The following GALNTL6 variants were observed in gnomAD, a reference collection of about 807,000 sequenced individuals.
The protein encoded by GALNTL6 is polypeptide N-acetylgalactosaminyltransferase like 6.
GALNTL6 carries 46 observed loss-of-function variants against 73.7 expected under a neutral mutation model. The ratio of observed to expected loss-of-function variants is 0.62; its 90% CI spans 0.49 to 0.80. GALNTL6 has a LOEUF of 0.80. GALNTL6 is among the 30% of genes least tolerant of loss of function. GALNTL6 has a pLI of 0.00. For synonymous variants in GALNTL6, 259 were observed against 263.7 expected, an observed-to-expected ratio of 0.98 and a Z score of 0.17; for missense variants, 604 against 755.0, an observed-to-expected ratio of 0.80 and a Z score of 2.34.
At chr4:172,766,729 C>A (rs1240027471) in intron 5 of GALNTL6, among the ~76,000 whole-genome samples, 1 of 152,134 alleles carries the variant, frequency 6.6e-6, no homozygotes, top group Admixed American at 6.6e-5. Flanking sequence ...TCTAGAGTAA[C>A]AATTTTTCTG....
intron 5 of GALNTL6, among the ~76,000 whole-genome samples, chr4:172,635,352 T>G (rs1739621541): frequency 6.6e-6 from 1 of 152,136 alleles, no homozygotes; most frequent in South Asian, 2.1e-4. Context: ...AGGTTAAATT[T>G]CTGGAACTTT....
At chr4:172,337,965 T>C (rs1286117378) in intron 4 of GALNTL6, among the ~76,000 whole-genome samples, 1 of 152,096 alleles carries the variant, frequency 6.6e-6, no homozygotes, top group Admixed American at 6.5e-5. Flanking sequence ...ACTTAATTCA[T>C]TTTCTAATTT....
intron 4 of GALNTL6, among the ~76,000 whole-genome samples, chr4:172,317,137 C>T (rs573338392): frequency 6.6e-6 from 1 of 152,318 alleles, no homozygotes; most frequent in Non-Finnish European, 1.5e-5. Flanking sequence ...GAAGTACTTA[C>T]AAAGTCAGCA....
At chr4:172,082,818 A>G (rs1731917800) in intron 2 of GALNTL6, among the ~76,000 whole-genome samples, 1 of 152,174 alleles carries the variant, frequency 6.6e-6, no homozygotes, top group Admixed American at 6.5e-5. Context: ...AAAAATGAGA[A>G]AGGAGACATC....
In GALNTL6 at chr4:171,858,545, G is replaced by C. The variant is rs139773865; in HGVS notation, c.138+43827G>C. ...TCAGGTGTGGAATCTGAAGCCTATA[G>C]ATTTTTTTTTAATTGCTCAAGTACT... On this transcript the variant is annotated intron_variant, in intron 2 of 12. Transcript: ENST00000506823. Among the ~76,000 whole-genome samples, 628 of 151,978 alleles carry C rather than the reference G, an allele frequency of 4.1e-3. 8 individuals carry two copies. Among genetic ancestry groups the C allele is most frequent in the African/African-American group, 0.015 (613 of 41,448 alleles).
At chr4:172,899,852 T>G (rs1453979041) in intron 8 of GALNTL6, among the ~76,000 whole-genome samples, 1 of 152,194 alleles carries the variant, frequency 6.6e-6, no homozygotes, top group African/African-American at 2.4e-5. Context: ...GGTAACTTCC[T>G]ACCGTTGCCA....
chr4:172,117,292 A>T (rs562435637), intron 2 of GALNTL6, among the ~76,000 whole-genome samples: 43 of 152,322 alleles, frequency 2.8e-4, no homozygotes, highest in Admixed American at 7.8e-4. Context: ...TGGTAATCAC[A>T]TATTGTCTAA....
chr4:173,028,820 T>A (rs1376118654), intron 12 of GALNTL6, among the ~76,000 whole-genome samples: 1 of 152,222 alleles, frequency 6.6e-6, no homozygotes, highest in African/African-American at 2.4e-5. Flanking sequence ...CTCTGGGGGT[T>A]CTTATAATTT....
intron 8 of GALNTL6, among the ~76,000 whole-genome samples, chr4:172,887,347 C>G (rs1388373301): frequency 1.3e-5 from 2 of 151,894 alleles, no homozygotes; most frequent in African/African-American, 4.8e-5. Flanking sequence ...TGGACATGTA[C>G]CTAGTAATGA....
At chr4:172,657,773 T>C (rs1731118372) in intron 5 of GALNTL6, among the ~76,000 whole-genome samples, 1 of 152,036 alleles carries the variant, frequency 6.6e-6, no homozygotes, top group Non-Finnish European at 1.5e-5. Context: ...GACTGATTAA[T>C]TTCTATGGCA....
At chr4:172,655,402 C>G (rs1730939366) in intron 5 of GALNTL6, among the ~76,000 whole-genome samples, 1 of 152,176 alleles carries the variant, frequency 6.6e-6, no homozygotes, top group Non-Finnish European at 1.5e-5. Flanking sequence ...TAAGAGTGAG[C>G]ACTTATTTAG....
At chr4:172,281,677 C>T (rs1156661248) in intron 3 of GALNTL6, among the ~76,000 whole-genome samples, 1 of 152,214 alleles carries the variant, frequency 6.6e-6, no homozygotes, top group African/African-American at 2.4e-5. Context: ...CTCCACTGCA[C>T]TCCAGCCTGG....
intron 2 of GALNTL6, among the ~76,000 whole-genome samples, chr4:172,114,867 A>C (rs1475637389): frequency 1.3e-5 from 2 of 152,074 alleles, no homozygotes; most frequent in African/African-American, 2.4e-5. Flanking sequence ...TTTATTACAT[A>C]CGACAGTCGA....
intron 5 of GALNTL6, among the ~76,000 whole-genome samples, chr4:172,734,007 C>T (rs12509744): frequency 0.45 from 67,908 of 151,868 alleles, 17,633 homozygotes; most frequent in East Asian, 0.68. Flanking sequence ...ATAGCTTTGA[C>T]CAAAATGTTG....
intron 4 of GALNTL6, among the ~76,000 whole-genome samples, chr4:172,328,989 G>A (rs1741033062): frequency 6.6e-6 from 1 of 152,200 alleles, no homozygotes; most frequent in Non-Finnish European, 1.5e-5. Flanking sequence ...CTGGGTGGGT[G>A]TTCCTTTAAC....
chr4:171,988,007 G>A (rs1176530492), intron 2 of GALNTL6, among the ~76,000 whole-genome samples: 1 of 152,176 alleles, frequency 6.6e-6, no homozygotes, highest in Non-Finnish European at 1.5e-5. Context: ...ATATGCGTCA[G>A]GTATGAGGAA....
intron 2 of GALNTL6, among the ~76,000 whole-genome samples, chr4:171,957,903 A>G (rs766097469): frequency 2.6e-5 from 4 of 152,194 alleles, no homozygotes; most frequent in African/African-American, 4.8e-5. Context: ...TAAGGTATCC[A>G]TTTTGCTGGA....
chr4:171,917,386 A>G (rs1462275000), intron 2 of GALNTL6, among the ~76,000 whole-genome samples: 1 of 152,108 alleles, frequency 6.6e-6, no homozygotes, highest in Non-Finnish European at 1.5e-5. Flanking sequence ...AGATATAGCT[A>G]AGGCTCCATA....
At chr4:172,351,240 GATTT>G (rs970559458) in intron 5 of GALNTL6, among the ~76,000 whole-genome samples, 3 of 137,008 alleles carry the variant, frequency 2.2e-5, no homozygotes, top group South Asian at 2.3e-4. Context: ...CCTCTTTACT[GATTT>G]ATTTATCTCC....
Sources: allele counts gnomAD v4.1 joint callset (sites outside exome capture counted in the v4.1 genomes callset), GRCh38; gene constraint gnomAD v4.1.1; transcripts MANE v1.5; gene names NCBI Gene and HGNC (gene_info 2026-07-23, HGNC 2026-07-21).